MYO1H: variants seen among roughly 807,000 people sequenced by gnomAD.
MYO1H encodes myosin IH.
Under a neutral mutation model 149.3 loss-of-function variants are expected in MYO1H, and 118 were observed. The observed-to-expected ratio is 0.79, with a 90% confidence interval of 0.68 to 0.92. The LOEUF is 0.92. MYO1H is among the 40% of genes least tolerant of loss of function. The pLI is 0.00. For synonymous variants in MYO1H, 447 were observed against 465.2 expected, an observed-to-expected ratio of 0.96 and a Z score of 0.50; for missense variants, 1,212 against 1,280.7, an observed-to-expected ratio of 0.95 and a Z score of 0.82.
At chr12:109,377,504 A>G (rs1031441871) in intron 1 of MYO1H, among the ~76,000 whole-genome samples, 2 of 152,200 alleles carry the variant, frequency 1.3e-5, no homozygotes, top group African/African-American at 4.8e-5. Context: ...GATGGAGCCT[A>G]TGACCCAAGC....
At chr12:109,425,855 C>A (rs1871332311) in intron 17 of MYO1H, 91 bp from the exon 18 acceptor site, 2 of 911,398 alleles carry the variant, frequency 2.2e-6, no homozygotes, top group East Asian at 2.6e-5. Context: ...ATAGGGCTGA[C>A]ACCTTGAGCC....
chr12:109,400,988 T>C (rs980418042), intron 5 of MYO1H, 105 bp from the exon 6 acceptor site: 15 of 905,830 alleles, frequency 1.7e-5, no homozygotes, highest in Admixed American at 2.8e-5. Flanking sequence ...AGAAGATTGA[T>C]CAGATCAGAC....
chr12:109,443,006 AAAAATAT>A (rs1481440482), intron 27 of MYO1H, among the ~76,000 whole-genome samples: 2 of 84,628 alleles, frequency 2.4e-5, no homozygotes, highest in African/African-American at 1.2e-4. Flanking sequence ...GGAAAAAAAA[AAAAATAT>A]ATATATATAT....
intron 1 of MYO1H, chr12:109,354,478 A>T (rs934713543): frequency 6.6e-6 from 1 of 151,950 alleles, no homozygotes; most frequent in African/African-American, 2.4e-5. Flanking sequence ...AGATTAGCTG[A>T]GTGTGGTGGC....
At chr12:109,431,660 C>G (rs1871625590) in intron 19 of MYO1H, among the ~76,000 whole-genome samples, 2 of 152,198 alleles carry the variant, frequency 1.3e-5, no homozygotes, top group Non-Finnish European at 2.9e-5. Flanking sequence ...TCCATCTGCA[C>G]TTCTGAATTC....
At chr12:109,328,963 A>G in the MYO1H span, among the ~76,000 whole-genome samples, 2 of 152,070 alleles carry the variant, frequency 1.3e-5, no homozygotes, top group Non-Finnish European at 2.9e-5. Context: ...GTGTAAAGTG[A>G]TGAGACTTTT....
At chr12:109,421,561 G>A (rs1462542377) in intron 16 of MYO1H, among the ~76,000 whole-genome samples, 6 of 152,134 alleles carry the variant, frequency 3.9e-5, no homozygotes, top group East Asian at 1.9e-4. Flanking sequence ...TGGTCTGGAC[G>A]AGGGGCAATG....
In MYO1H at chr12:109,443,250, GTA is replaced by G. The variant is rs1283760986; in HGVS notation, c.2689-260_2689-259del. 1.9e-4 allele frequency among the ~76,000 whole-genome samples: 24 copies of G among 129,514 alleles called. 6 individuals are homozygous for G. The highest frequency in any genetic ancestry group is 6.1e-4 in the African/African-American group (17 of 27,980). The allele number at this position is 129,514 out of a possible 152,430, so 85.0% of individuals were successfully genotyped here. On this transcript the variant is annotated intron_variant, in intron 27 of 31. Transcript: ENST00000310903. ...TGTATATGTGTACGTATATGTGTGTGTATATGTGTACGTATATGTGTGTGTAT... is the reference window on the plus strand; with the variant it reads ...TGTATATGTGTACGTATATGTGTGTGTATGTGTACGTATATGTGTGTGTAT...
Position 109,373,128 on chromosome 12 carries a change from T to A in MYO1H, c.13-15555T>A, listed in dbSNP as rs540322819. ...GTATATGGCCTGAATTTACATATCA[T>A]ATATAATGTTTGGATTTTCCTTGGA... On this transcript the variant is annotated intron_variant, in intron 1 of 31. Transcript: ENST00000310903. Among the ~76,000 whole-genome samples, 5 of 152,282 alleles carry A rather than the reference T, an allele frequency of 3.3e-5. No individual in the cohort carries two copies. In the South Asian group the frequency reaches 1.0e-3, roughly 32 times the overall value.
intron 5 of MYO1H, among the ~76,000 whole-genome samples, chr12:109,398,138 G>A (rs1032864715): frequency 2.0e-5 from 3 of 152,210 alleles, no homozygotes; most frequent in Non-Finnish European, 4.4e-5. Context: ...CCAGAGATAT[G>A]ATGCTATCTT....
At chr12:109,395,518 G>A (rs530929631) in intron 3 of MYO1H, among the ~76,000 whole-genome samples, 11 of 152,148 alleles carry the variant, frequency 7.2e-5, no homozygotes, top group Admixed American at 1.3e-4. Flanking sequence ...GGTGGATCAC[G>A]AGGTCAGGAG....
rs1870423836 is a variant in MYO1H, at chr12:109,406,964, T to TAGCTC, written c.1035+106_1035+110dup. The TAGCTC allele has an allele frequency of 2.2e-5, 22 of 1,001,028 alleles. No individual in the cohort carries two copies. In the East Asian group the frequency reaches 5.3e-4, roughly 24 times the overall value. The allele number at this position is 1,001,028 out of a possible 1,614,324, so 62.0% of individuals were successfully genotyped here. A position where few individuals can be genotyped will look rare whatever the true frequency, so the allele number is the denominator to read the frequency against. On this transcript the variant is annotated intron_variant, in intron 9 of 31. Transcript: ENST00000310903. ...TCAGGGGAGGCCAAACCTTTGATCC[T>TAGCTC]AGCTCACCAGGCCCTGCGTGGTCCA...
intron 18 of MYO1H, among the ~76,000 whole-genome samples, chr12:109,426,731 T>A (rs189771814): frequency 2.4e-4 from 37 of 152,268 alleles, no homozygotes; most frequent in African/African-American, 8.7e-4. Context: ...TGCCATGGTC[T>A]ATAATATAGT....
At chr12:109,385,110 C>G (rs1294526194) in intron 1 of MYO1H, among the ~76,000 whole-genome samples, 1 of 152,022 alleles carries the variant, frequency 6.6e-6, no homozygotes, top group Non-Finnish European at 1.5e-5. Context: ...ATTATAATTC[C>G]GTTTTATAGA....
chr12:109,426,055 A>T lies in MYO1H; in HGVS notation c.1831+4A>T, dbSNP rs1404908307. On this transcript the variant is annotated splice_donor_region_variant and intron_variant, in intron 18 of 31. Transcript: ENST00000310903. ...CCCAACGACAGGAAAGAACCCAGTGAGTTGTGGATCATTATGAACTGGGCT... is the reference window on the plus strand; with the variant it reads ...CCCAACGACAGGAAAGAACCCAGTGTGTTGTGGATCATTATGAACTGGGCT... The T allele has an allele frequency of 6.2e-7, 1 of 1,606,808 alleles. No individual in the cohort carries two copies.
chr12:109,392,448 C>G (rs543866587), intron 2 of MYO1H, among the ~76,000 whole-genome samples: 2 of 152,316 alleles, frequency 1.3e-5, no homozygotes, highest in South Asian at 4.1e-4. Flanking sequence ...CCCGGCCAGG[C>G]GCGGTGGCTC....
At chr12:109,320,955 G>A in the MYO1H span, among the ~76,000 whole-genome samples, 4 of 151,930 alleles carry the variant, frequency 2.6e-5, no homozygotes, top group Admixed American at 2.6e-4. Flanking sequence ...GGGCATGGCG[G>A]CGGGTACCTG....
chr12:109,410,129 T>A, intron 12 of MYO1H, 61 bp downstream of exon 12: 1 of 817,332 alleles, frequency 1.2e-6, no homozygotes, highest in Non-Finnish European at 1.8e-6. Flanking sequence ...ACTTCTTTTT[T>A]TAATTTAATT....
At chr12:109,370,020 G>C (rs1257820275) in intron 1 of MYO1H, among the ~76,000 whole-genome samples, 4 of 152,124 alleles carry the variant, frequency 2.6e-5, no homozygotes, top group African/African-American at 9.7e-5. Flanking sequence ...TGTGAGACTT[G>C]TTCACTGTCA....
Sources: gnomAD v4.1 joint callset for allele counts (sites outside exome capture counted in the v4.1 genomes callset) on GRCh38, gnomAD v4.1.1 for gene constraint, MANE v1.5 for transcripts, NCBI Gene and HGNC (gene_info 2026-07-23, HGNC 2026-07-21) for gene names.